ME2: variants seen among roughly 807,000 people sequenced by gnomAD.
ME2 encodes NAD-dependent malic enzyme, mitochondrial.
ME2 carries 60 observed loss-of-function variants against 73.7 expected under a neutral mutation model. The observed-to-expected ratio is 0.81, with a 90% CI of 0.66 to 1.01. The LOEUF (loss-of-function observed/expected upper bound fraction) is 1.01. Among genes scored for constraint, ME2 ranks in the 50% least tolerant of loss-of-function variants. The probability of loss-of-function intolerance (pLI) is 0.00; values close to 1 mark genes in which losing one functional copy is unlikely to be tolerated. For missense variants in ME2, 594 were observed against 705.5 expected (o/e 0.84, Z 1.79); for synonymous variants, 199 against 236.9 (o/e 0.84, Z 1.47).
chr18:50,951,299 G>T lies in ME2; in HGVS notation c.*4115G>T, dbSNP rs1282634993. 2 of 152,112 alleles carry T rather than the reference G, an allele frequency of 1.3e-5. No individual in the cohort carries two copies. Among genetic ancestry groups the T allele is most frequent in the Non-Finnish European group, 2.9e-5 (2 of 68,020 alleles). The allele number at this position is 152,112 out of a possible 1,614,324, so 9.4% of individuals were successfully genotyped here. Reference sequence around the variant, plus strand: ...ATTAAGATCAAAACGTCATTATTAAGGAGTATGAAGCATTATTTACTGGCT... The same window carrying T: ...ATTAAGATCAAAACGTCATTATTAATGAGTATGAAGCATTATTTACTGGCT... On this transcript the variant is annotated 3_prime_UTR_variant, in exon 16 of 16. Coordinates refer to ENST00000321341, the MANE Select transcript of ME2 (RefSeq NM_002396.5).
Position 50,909,216 on chromosome 18 carries a change from G to C in ME2, c.242+1020G>C, listed in dbSNP as rs576319187. Among the ~76,000 whole-genome samples, 4 of 143,964 alleles carry C rather than the reference G, an allele frequency of 2.8e-5. No homozygotes were observed. The South Asian group carries it at 9.0e-4, about 32-fold the overall frequency. The allele number at this position is 143,964 out of a possible 152,430, so 94.4% of individuals were successfully genotyped here. On this transcript the variant is annotated intron_variant, in intron 3 of 15. Transcript: ENST00000321341. ...TGGACTCAAGCAATCTGCCCGCCTT[G>C]GCCTCCCAAAGTGCTGGGATTACAG... is the stretch of plus-strand genomic sequence containing the variant.
intron 1 of ME2, among the ~76,000 whole-genome samples, chr18:50,884,336 A>G (rs1349237186): frequency 2.0e-5 from 3 of 152,098 alleles, no homozygotes; most frequent in Non-Finnish European, 4.4e-5. Context: ...TATACAAGCC[A>G]AATTCATTAT....
chr18:50,913,860 T>TACACACACACACAC (rs1555677139), intron 4 of ME2, among the ~76,000 whole-genome samples: 3,142 of 143,222 alleles, frequency 0.022, 84 homozygotes, highest in African/African-American at 0.062. Flanking sequence ...AGCAATATTA[T>TACACACACACACAC]ACACACACAC....
At chr18:50,884,373 G>C (rs1916404542) in intron 1 of ME2, among the ~76,000 whole-genome samples, 1 of 152,130 alleles carries the variant, frequency 6.6e-6, no homozygotes, top group Admixed American at 6.6e-5. Context: ...TTTTGAGACA[G>C]AGCCTCAATC....
intron 4 of ME2, among the ~76,000 whole-genome samples, chr18:50,915,178 A>G (rs1175222030): frequency 1.3e-5 from 2 of 152,136 alleles, no homozygotes; most frequent in African/African-American, 2.4e-5. Flanking sequence ...AGAATACAGT[A>G]TAGAATTCAT....
intron 15 of ME2, among the ~76,000 whole-genome samples, chr18:50,941,519 GC>G (rs1341734507): frequency 1.3e-5 from 2 of 150,262 alleles, no homozygotes; most frequent in Non-Finnish European, 3.0e-5. Context: ...GATTACAGAT[GC>G]CCACCACCAT....
chr18:50,924,312 C>T (rs185636126), intron 11 of ME2, 100 bp downstream of exon 11: 2 of 770,734 alleles, frequency 2.6e-6, no homozygotes, highest in East Asian at 2.6e-5. Context: ...GCAGTTTTAC[C>T]TAGCTTTCAG....
intron 12 of ME2, among the ~76,000 whole-genome samples, chr18:50,927,752 A>G (rs1357467897): frequency 2.8e-5 from 3 of 105,858 alleles, no homozygotes; most frequent in African/African-American, 9.8e-5. Context: ...ATATATATAT[A>G]CACACCACAG....
intron 1 of ME2, among the ~76,000 whole-genome samples, chr18:50,881,783 A>G (rs1235101379): frequency 6.6e-6 from 1 of 152,238 alleles, no homozygotes; most frequent in Non-Finnish European, 1.5e-5. Flanking sequence ...GTCTACAACT[A>G]CTAATAGTAA....
rs188625239 is a variant in ME2, at chr18:50,944,892, A to T, written c.1588-2125A>T. 3.3e-5 allele frequency among the ~76,000 whole-genome samples: 5 copies of T among 152,118 alleles called. No individual in the cohort carries two copies. The East Asian group carries it at 9.6e-4, about 29-fold the overall frequency. ...AATTATGCTGCTCACTGGCTTCAGA[A>T]CACCTCCCACTGCCCCTCACATCAG... On this transcript the variant is annotated intron_variant, in intron 15 of 15. Coordinates refer to ENST00000321341, the MANE Select transcript of ME2 (RefSeq NM_002396.5).
At chr18:50,895,674 C>A in intron 1 of ME2, 135 bp from the exon 2 acceptor site, 1 of 610,488 alleles carries the variant, frequency 1.6e-6, no homozygotes, top group East Asian at 2.8e-5. Flanking sequence ...AAGTTTTCAC[C>A]TTCGCCTCTT....
At chr18:50,914,801 C>T (rs1387544171) in intron 4 of ME2, among the ~76,000 whole-genome samples, 2 of 152,138 alleles carry the variant, frequency 1.3e-5, no homozygotes, top group Non-Finnish European at 2.9e-5. Flanking sequence ...ATCCACTGGC[C>T]CTCATGTCTG....
chr18:50,917,164 A>G (rs1388035928), intron 5 of ME2, 183 bp from the exon 6 acceptor site: 2 of 503,790 alleles, frequency 4.0e-6, no homozygotes, highest in Non-Finnish European at 7.1e-6. Context: ...ATGTCTCATA[A>G]TACTCAGAAG....
rs1261208076 is a variant in ME2 at position 50,895,676 on chromosome 18, T to G, written c.-12-133T>G. 1.1e-5 allele frequency: 7 copies of G among 616,462 alleles called. No homozygotes were observed. In the East Asian group the frequency reaches 1.9e-4, roughly 17 times the overall value. 38.2% of individuals were successfully genotyped at this position (616,462 alleles called of 1,614,324 possible). On this transcript the variant is annotated intron_variant, in intron 1 of 15. Transcript: ENST00000321341. Reference sequence around the variant, plus strand: ...TATCAGAAAAAGTAAGTTTTCACCTTCGCCTCTTGTTACCTTTTTAAAACT... The same window carrying G: ...TATCAGAAAAAGTAAGTTTTCACCTGCGCCTCTTGTTACCTTTTTAAAACT...
At chr18:50,919,864 C>T (rs1396393551) in intron 7 of ME2, among the ~76,000 whole-genome samples, 1 of 151,830 alleles carries the variant, frequency 6.6e-6, no homozygotes, top group Non-Finnish European at 1.5e-5. Flanking sequence ...ACCAATTTCT[C>T]CCTTATCTCT....
chr18:50,892,530 T>C (rs184840831), intron 1 of ME2, among the ~76,000 whole-genome samples: 1 of 152,380 alleles, frequency 6.6e-6, no homozygotes, highest in East Asian at 1.9e-4. Context: ...GACTTCTTTA[T>C]GTCTGTTAGT....
chr18:50,917,274 A>G, intron 5 of ME2, 73 bp from the exon 6 acceptor site: 2 of 1,197,442 alleles, frequency 1.7e-6, no homozygotes, highest in Non-Finnish European at 2.4e-6. Context: ...GAAGTGAATC[A>G]ATCTTTTAAA....
intron 7 of ME2, among the ~76,000 whole-genome samples, chr18:50,918,802 C>T (rs1370290173): frequency 1.3e-5 from 2 of 151,860 alleles, no homozygotes; most frequent in African/African-American, 4.8e-5. Flanking sequence ...CAACTATGAC[C>T]TTTATGCATG....
At chr18:50,944,554 G>A (rs1293036854) in intron 15 of ME2, among the ~76,000 whole-genome samples, 2 of 152,160 alleles carry the variant, frequency 1.3e-5, no homozygotes, top group Non-Finnish European at 2.9e-5. Context: ...CAGGACCAAG[G>A]GGAGCTTTCT....
Sources: allele counts gnomAD v4.1 joint callset (sites outside exome capture counted in the v4.1 genomes callset), GRCh38; gene constraint gnomAD v4.1.1; transcripts MANE v1.5; gene names NCBI Gene and HGNC (gene_info 2026-07-23, HGNC 2026-07-21).